The following MSH3 variants were observed in gnomAD, a reference collection of about 807,000 sequenced individuals.
MSH3 encodes the protein mutS homolog 3.
Under a neutral mutation model 123.3 loss-of-function variants are expected in MSH3, and 106 were observed. That is an observed-to-expected ratio of 0.86 (90% CI 0.73 to 1.01). The LOEUF (loss-of-function observed/expected upper bound fraction) is 1.01. Among genes scored for constraint, MSH3 ranks in the 50% least tolerant of loss-of-function variants. The probability of loss-of-function intolerance (pLI) is 0.00; values close to 1 mark genes in which losing one functional copy is unlikely to be tolerated. For missense variants in MSH3, 1,459 were observed against 1,347.6 expected (o/e 1.08, Z -1.29); for synonymous variants, 515 against 481.4 (o/e 1.07, Z -0.91).
rs543124070 is a variant in MSH3, at chr5:80,719,153, T to C, written c.1341-6300T>C. On this transcript the variant is annotated intron_variant, in intron 8 of 23. Coordinates refer to ENST00000265081, the MANE Select transcript of MSH3 (RefSeq NM_002439.5). ...ACCCCCGCCTCCCAGGTTCAAGCGA[T>C]TCTCCTGCCTCAGCCGCCTGAATAG... Among the ~76,000 whole-genome samples the C allele has an allele frequency of 5.9e-5, 9 of 152,050 alleles. No homozygotes were observed. In the South Asian group the frequency reaches 1.9e-3, roughly 32 times the overall value.
chr5:80,859,887 C>T (rs1220880772), intron 21 of MSH3, among the ~76,000 whole-genome samples: 1 of 151,822 alleles, frequency 6.6e-6, no homozygotes, highest in African/African-American at 2.4e-5. Flanking sequence ...TATTTTCTCT[C>T]CTTTCTTAGC....
At chr5:80,659,676 A>C (rs1385515456) in intron 2 of MSH3, among the ~76,000 whole-genome samples, 2 of 152,180 alleles carry the variant, frequency 1.3e-5, no homozygotes, top group Admixed American at 1.3e-4. Flanking sequence ...TATACAGCCC[A>C]GGGGTATTTA....
chr5:80,805,742 G>C (rs1042868159), intron 19 of MSH3, among the ~76,000 whole-genome samples: 2 of 151,882 alleles, frequency 1.3e-5, no homozygotes, highest in Non-Finnish European at 2.9e-5. Flanking sequence ...CTACAGGCAT[G>C]CGCCACCACG....
chr5:80,865,724 C>T (rs958185614), intron 22 of MSH3, among the ~76,000 whole-genome samples: 1 of 151,992 alleles, frequency 6.6e-6, no homozygotes, highest in Non-Finnish European at 1.5e-5. Flanking sequence ...TGGTGGTTTG[C>T]GCAATTGGTA....
chr5:80,712,239 C>G (rs1041198182), intron 8 of MSH3, among the ~76,000 whole-genome samples: 5 of 152,156 alleles, frequency 3.3e-5, no homozygotes, highest in African/African-American at 1.2e-4. Context: ...TGTATAAATC[C>G]TGTAATCCAT....
intron 8 of MSH3, among the ~76,000 whole-genome samples, chr5:80,690,646 A>ATTTTTCTCATTAAAC (rs1411907388): frequency 6.6e-6 from 1 of 152,104 alleles, no homozygotes; most frequent in African/African-American, 2.4e-5. Flanking sequence ...CTACTGTTTT[A>ATTTTTCTCATTAAAC]TTTTTCTCAT....
At chr5:80,870,697 T>C (rs977679240) in intron 22 of MSH3, among the ~76,000 whole-genome samples, 2 of 152,204 alleles carry the variant, frequency 1.3e-5, no homozygotes. Context: ...AGCTCTTATC[T>C]GTCTGCTGCC....
chr5:80,723,499 TA>T (rs1239723836), intron 8 of MSH3, among the ~76,000 whole-genome samples: 1 of 152,168 alleles, frequency 6.6e-6, no homozygotes, highest in Non-Finnish European at 1.5e-5. Flanking sequence ...TTCTGGTGAA[TA>T]AATTCAGAAA....
At chr5:80,871,692 A>C (rs1386753504) in intron 22 of MSH3, among the ~76,000 whole-genome samples, 1 of 152,182 alleles carries the variant, frequency 6.6e-6, no homozygotes, top group Non-Finnish European at 1.5e-5. Flanking sequence ...GCAGGCAACA[A>C]AATGAGAGTA....
rs938557864 is a variant in MSH3 at position 80,751,323 on chromosome 5, A to G, written c.1763+6708A>G. ...GGGTGGAAGAGTGGTGACATCATTA[A>G]TGCTTTATGAAAAGTTTCATGAGAC... On this transcript the variant is annotated intron_variant, in intron 12 of 23. Coordinates refer to ENST00000265081, the MANE Select transcript of MSH3 (RefSeq NM_002439.5). 1.2e-4 allele frequency among the ~76,000 whole-genome samples: 19 copies of G among 152,200 alleles called. 1 individual carries two copies. Among genetic ancestry groups the G allele is most frequent in the Admixed American group, 1.2e-3 (18 of 15,278 alleles).
chr5:80,811,459 T>C (rs1034384438), intron 19 of MSH3, among the ~76,000 whole-genome samples: 6 of 152,158 alleles, frequency 3.9e-5, no homozygotes, highest in African/African-American at 1.4e-4. Flanking sequence ...GATTGACTTA[T>C]TAATAGTTTA....
intron 8 of MSH3, among the ~76,000 whole-genome samples, chr5:80,714,622 G>A (rs1302409190): frequency 2.6e-5 from 4 of 152,142 alleles, no homozygotes; most frequent in African/African-American, 4.8e-5. Context: ...AAGCTTCCAG[G>A]AAAGCCTCAA....
intron 19 of MSH3, among the ~76,000 whole-genome samples, chr5:80,802,421 C>A (rs193499): frequency 0.87 from 129,415 of 148,912 alleles, 56,319 homozygotes; most frequent in East Asian, 1. Flanking sequence ...TTTAAAAAAA[C>A]AAAACAAAAA....
At chr5:80,778,904 A>C in intron 17 of MSH3, 68 bp downstream of exon 17, 1 of 923,522 alleles carries the variant, frequency 1.1e-6, no homozygotes, top group Non-Finnish European at 1.8e-6. Context: ...AAATCTTTCC[A>C]TCAAAAAGAA....
chr5:80,724,077 G>A (rs975440579), intron 8 of MSH3, among the ~76,000 whole-genome samples: 5 of 152,170 alleles, frequency 3.3e-5, no homozygotes, highest in African/African-American at 7.2e-5. Context: ...TCTGGAAATC[G>A]TAGAGGGATG....
In MSH3 at chr5:80,748,305, C is replaced by T. The variant is rs144352434; in HGVS notation, c.1763+3690C>T. ...CAAGTTTCAGAAGACTTTCCACTCC[C>T]GTCACCTTTTATTCTATAAAATGGT... On this transcript the variant is annotated intron_variant, in intron 12 of 23. Coordinates refer to ENST00000265081, the MANE Select transcript of MSH3 (RefSeq NM_002439.5). Among the ~76,000 whole-genome samples the T allele has an allele frequency of 1.8e-3, 272 of 152,252 alleles. 1 individual carries two copies. Among genetic ancestry groups the T allele is most frequent in the Admixed American group, 0.015 (222 of 15,290 alleles).
intron 8 of MSH3, among the ~76,000 whole-genome samples, chr5:80,695,967 T>C (rs1357925919): frequency 6.6e-6 from 1 of 152,328 alleles, no homozygotes; most frequent in East Asian, 1.9e-4. Context: ...CTGACACTGC[T>C]TCAGCAGGGT....
intron 10 of MSH3, among the ~76,000 whole-genome samples, chr5:80,740,153 A>G (rs1743585097): frequency 6.6e-6 from 1 of 152,202 alleles, no homozygotes; most frequent in Non-Finnish European, 1.5e-5. Flanking sequence ...AGTACTTCTT[A>G]ACACGAATTG....
rs761801255 is a variant in MSH3 at position 80,768,985 on chromosome 5, G to A, written c.2235G>A (p.Val745=). 18 of 1,612,850 alleles carry A rather than the reference G, an allele frequency of 1.1e-5. No homozygotes were observed. In the South Asian group the frequency reaches 1.8e-4, roughly 16 times the overall value. The change falls in exon 15 of 24, where the codon GTG becomes GTA. Residue 745 remains valine, a synonymous_variant. Coordinates refer to ENST00000265081, the MANE Select transcript of MSH3 (RefSeq NM_002439.5). ...TAAAAAATCCTTCTGCACAATATGTGACAGTATCAGGACAGGAGGTAATGT... is the reference window on the plus strand; with the variant it reads ...TAAAAAATCCTTCTGCACAATATGTAACAGTATCAGGACAGGAGGTAATGT... ...KILKNPSAQY[V]TVSGQEFMIE... is the part of the protein sequence containing the mutation.
Sources: allele counts gnomAD v4.1 joint callset (sites outside exome capture counted in the v4.1 genomes callset), GRCh38; gene constraint gnomAD v4.1.1; transcripts MANE v1.5; gene names NCBI Gene and HGNC (gene_info 2026-07-23, HGNC 2026-07-21).